The following SLC23A2 variants were observed in gnomAD, a reference collection of about 807,000 sequenced individuals.
The protein encoded by SLC23A2 is Na(+)/L-ascorbic acid transporter 2.
In SLC23A2, 36 loss-of-function variants were observed where a neutral mutation model predicts 73.3. The observed-to-expected ratio is 0.49, with a 90% CI of 0.38 to 0.65. The LOEUF (loss-of-function observed/expected upper bound fraction) is 0.65. Among genes scored for constraint, SLC23A2 ranks in the 30% least tolerant of loss-of-function variants. The pLI, the probability that SLC23A2 is intolerant of heterozygous loss-of-function variation, is 0.00. For synonymous variants in SLC23A2, 343 were observed against 327.3 expected (o/e 1.05, Z -0.52); for missense variants, 507 against 841.6 (o/e 0.60, Z 4.92).
intron 3 of SLC23A2, among the ~76,000 whole-genome samples, chr20:4,918,639 C>T (rs1429703587): frequency 4.6e-5 from 7 of 151,968 alleles, no homozygotes; most frequent in Non-Finnish European, 8.8e-5. Flanking sequence ...CAGTGCCAGG[C>T]GAAACTGACA....
chr20:4,857,283 T>TACAC lies in SLC23A2; in HGVS notation c.1721-83_1721-80dup, dbSNP rs398035250. ...GAAAATGAAACTGTCGTCAAACACA[T>TACAC]ACACACACACACACACACACACACA... On this transcript the variant is annotated intron_variant, in intron 16 of 16. Transcript: ENST00000338244. The surrounding 1 kb of genome is among the most constrained non-coding windows in gnomAD (Gnocchi z 4.0). The TACAC allele has an allele frequency of 0.017, 7,201 of 419,774 alleles. 112 individuals are homozygous for TACAC. Among genetic ancestry groups the TACAC allele is most frequent in the East Asian group, 0.046 (894 of 19,232 alleles). The allele number at this position is 419,774 out of a possible 1,614,324, so 26.0% of individuals were successfully genotyped here. A position where few individuals can be genotyped will look rare whatever the true frequency, so the allele number is the denominator to read the frequency against.
At chr20:4,977,157 T>C (rs377713616) in intron 1 of SLC23A2, among the ~76,000 whole-genome samples, 3 of 152,148 alleles carry the variant, frequency 2.0e-5, no homozygotes, top group African/African-American at 4.8e-5. Flanking sequence ...CTCTGCAGTA[T>C]ACTATCATGA....
intron 6 of SLC23A2, among the ~76,000 whole-genome samples, chr20:4,892,434 G>C (rs1399824794): frequency 2.0e-5 from 3 of 151,356 alleles, no homozygotes; most frequent in Non-Finnish European, 4.4e-5. Flanking sequence ...TGATCCGCCC[G>C]CCTCAGCCTC....
chr20:4,958,745 A>C, intron 2 of SLC23A2, among the ~76,000 whole-genome samples: 1 of 152,014 alleles, frequency 6.6e-6, no homozygotes, highest in East Asian at 1.9e-4. Flanking sequence ...TGCAAATGTT[A>C]CGCTGTACTA....
At chr20:4,986,030 G>A (rs1468463676) in intron 1 of SLC23A2, among the ~76,000 whole-genome samples, 4 of 152,076 alleles carry the variant, frequency 2.6e-5, no homozygotes, top group Middle Eastern at 3.2e-3. Flanking sequence ...ACAGAATCTC[G>A]TCTGGTTTCT....
At chr20:4,879,984 C>T (rs1930819160) in intron 9 of SLC23A2, among the ~76,000 whole-genome samples, 1 of 152,186 alleles carries the variant, frequency 6.6e-6, no homozygotes, top group South Asian at 2.1e-4. Context: ...AGGAGTCTTA[C>T]AGTAGAGAAT....
chr20:4,859,931 C>T (rs1317213742), intron 15 of SLC23A2, among the ~76,000 whole-genome samples: 4 of 152,206 alleles, frequency 2.6e-5, no homozygotes, highest in Non-Finnish European at 4.4e-5. Context: ...CATTTATCCA[C>T]ACACTTTCCA....
At chr20:4,926,316 G>A (rs560867746) in intron 3 of SLC23A2, among the ~76,000 whole-genome samples, 3 of 152,220 alleles carry the variant, frequency 2.0e-5, no homozygotes, top group Admixed American at 1.3e-4. Context: ...GAATGATGAC[G>A]CACTGAAACA....
At chr20:4,950,142 T>C (rs74764638) in intron 2 of SLC23A2, among the ~76,000 whole-genome samples, 2,727 of 152,310 alleles carry the variant, frequency 0.018, 81 homozygotes, top group African/African-American at 0.062. Flanking sequence ...GGTTTCTCCA[T>C]GGCAGGCTGG....
At chr20:4,884,651 A>G in intron 8 of SLC23A2, 102 bp downstream of exon 8, 1 of 779,686 alleles carries the variant, frequency 1.3e-6, no homozygotes, top group Non-Finnish European at 2.3e-6. Context: ...TGAAAAAGAA[A>G]AGAAGGGCTC....
intron 9 of SLC23A2, among the ~76,000 whole-genome samples, chr20:4,878,651 G>A (rs1930751999): frequency 6.6e-6 from 1 of 152,122 alleles, no homozygotes; most frequent in African/African-American, 2.4e-5. Flanking sequence ...GTATATTTAA[G>A]TCTTTAATTC....
At chr20:4,884,311 A>G (rs1301706013) in intron 8 of SLC23A2, among the ~76,000 whole-genome samples, 1 of 152,246 alleles carries the variant, frequency 6.6e-6, no homozygotes, top group Non-Finnish European at 1.5e-5. Flanking sequence ...GTTTTGGAAA[A>G]TATTAATACA....
intron 2 of SLC23A2, among the ~76,000 whole-genome samples, chr20:4,956,265 C>T (rs2087286755): frequency 6.6e-6 from 1 of 152,038 alleles, no homozygotes; most frequent in African/African-American, 2.4e-5. Context: ...TTTCTGTGCC[C>T]CTGCTGTTGT....
chr20:4,913,580 C>A (rs1055121102), intron 3 of SLC23A2, among the ~76,000 whole-genome samples: 3 of 152,134 alleles, frequency 2.0e-5, no homozygotes, highest in African/African-American at 7.2e-5. Context: ...TTTATAATAA[C>A]AAATAACTAG....
chr20:4,926,534 T>G (rs1054422561), intron 3 of SLC23A2, among the ~76,000 whole-genome samples: 1 of 146,062 alleles, frequency 6.8e-6, no homozygotes, highest in African/African-American at 2.5e-5. Context: ...TTTTTTTTCC[T>G]GATTCCTGTT....
chr20:4,904,007 T>A (rs1472347141), intron 4 of SLC23A2, among the ~76,000 whole-genome samples: 3 of 152,128 alleles, frequency 2.0e-5, no homozygotes, highest in Non-Finnish European at 4.4e-5. Context: ...TAAACATGTC[T>A]TTTTAGGCCC....
At chr20:4,901,334 A>G (rs1931738040) in intron 5 of SLC23A2, among the ~76,000 whole-genome samples, 1 of 152,112 alleles carries the variant, frequency 6.6e-6, no homozygotes, top group Non-Finnish European at 1.5e-5. Context: ...GGACAATGAG[A>G]TGGATTTTCT....
At chr20:5,008,666 G>A (rs2088216558) in intron 1 of SLC23A2, among the ~76,000 whole-genome samples, 1 of 152,056 alleles carries the variant, frequency 6.6e-6, no homozygotes, top group African/African-American at 2.4e-5. Flanking sequence ...TTTCCCATGA[G>A]GGACCTCTCT....
At chr20:5,007,071 C>T (rs1173976871) in intron 1 of SLC23A2, among the ~76,000 whole-genome samples, 1 of 151,938 alleles carries the variant, frequency 6.6e-6, no homozygotes, top group African/African-American at 2.4e-5. Context: ...ATCCATCGAT[C>T]AGGGAATGGC....
Sources: gnomAD v4.1 joint callset for allele counts (sites outside exome capture counted in the v4.1 genomes callset) on GRCh38, gnomAD v4.1.1 for gene constraint, Gnocchi (gnomAD v3.1) non-coding constraint, MANE v1.5 for transcripts, NCBI Gene and HGNC (gene_info 2026-07-23, HGNC 2026-07-21) for gene names.